Variants in KIF24 observed in about 807,000 individuals in gnomAD.
KIF24 encodes the protein kinesin-like protein KIF24.
Under a neutral mutation model 118.9 loss-of-function variants are expected in KIF24, and 81 were observed. That is an observed-to-expected ratio of 0.68 (90% CI 0.57 to 0.82). The LOEUF is 0.82. Ranked by LOEUF, KIF24 falls within the 40% of genes least tolerant of loss-of-function variation. KIF24 has a pLI of 0.00. For missense variants in KIF24, 1,560 were observed against 1,661.6 expected, an observed-to-expected ratio of 0.94 and a Z score of 1.06; for synonymous variants, 599 against 610.0, an observed-to-expected ratio of 0.98 and a Z score of 0.27.
chr9:34,266,827 G>GA (rs1167923991), intron 8 of KIF24, among the ~76,000 whole-genome samples: 1 of 152,070 alleles, frequency 6.6e-6, no homozygotes. Flanking sequence ...AAGCTATCAA[G>GA]AACGAGTAGG....
intron 8 of KIF24, among the ~76,000 whole-genome samples, chr9:34,266,623 A>G (rs1835299323): frequency 6.6e-6 from 1 of 151,074 alleles, no homozygotes; most frequent in South Asian, 2.1e-4. Flanking sequence ...GGTTGCAGTG[A>G]GCCAAGATTG....
At chr9:34,258,027 G>A (rs755355279) in intron 10 of KIF24, 46 bp from the exon 11 acceptor site, 2 of 1,384,632 alleles carry the variant, frequency 1.4e-6, no homozygotes, top group East Asian at 2.3e-5. Flanking sequence ...CACATGTTCT[G>A]CAATTCCTTT....
chr9:34,311,802 A>G (rs548424620), intron 1 of KIF24, among the ~76,000 whole-genome samples: 23 of 150,864 alleles, frequency 1.5e-4, no homozygotes, highest in African/African-American at 4.1e-4. Flanking sequence ...ACACATATAT[A>G]TATACACATA....
At chr9:34,327,194 A>T (rs1437374485) in intron 1 of KIF24, among the ~76,000 whole-genome samples, 2 of 131,454 alleles carry the variant, frequency 1.5e-5, no homozygotes, top group South Asian at 2.4e-4. Flanking sequence ...GAACTCTATT[A>T]TTTATTTAAC....
chr9:34,263,976 T>C lies in KIF24; in HGVS notation c.1444-804A>G, dbSNP rs572975047. 1.4e-3 allele frequency among the ~76,000 whole-genome samples: 220 copies of C among 152,066 alleles called. 1 individual carries two copies. The highest frequency in any genetic ancestry group is 4.1e-3 in the African/African-American group (170 of 41,478). Reference sequence around the variant, plus strand: ...GTACTCCCTCAGTGAGAAGCGCTCATTGGACATGATAAGGACAGCAGAGAT... The same window carrying C: ...GTACTCCCTCAGTGAGAAGCGCTCACTGGACATGATAAGGACAGCAGAGAT... On this transcript the variant is annotated intron_variant, in intron 8 of 12. Transcript: ENST00000402558.
In KIF24 at chr9:34,255,108, G is replaced by C; in HGVS notation, c.3930C>G (p.Phe1310Leu). ...GCTGGCTCATCAGCGTCTCCTCCTTGAAGCCGAGCTCAGCCATTTCATCCA... is the reference window on the plus strand; with the variant it reads ...GCTGGCTCATCAGCGTCTCCTCCTTCAAGCCGAGCTCAGCCATTTCATCCA... ...EQLDEMAELGFKEETLMSQLA... is the reference protein window; with the variant it reads ...EQLDEMAELGLKEETLMSQLA... The change falls in exon 12 of 13, where the codon TTC becomes TTG. Residue 1310 changes from phenylalanine (F) to leucine (L), a missense_variant. Physicochemically the swap from Phe to Leu is conservative, Grantham distance 22 (BLOSUM62 0). Around this residue, in one of 3 missense-constraint regions of KIF24, gnomAD observed 591 missense variants for 655.6 expected, o/e 0.90. Coordinates refer to ENST00000402558, the MANE Select transcript of KIF24 (RefSeq NM_194313.4). 6.3e-7 allele frequency: 1 copy of C among 1,596,230 alleles called. No homozygotes were observed. Among genetic ancestry groups the C allele is most frequent in the Middle Eastern group, 1.7e-4 (1 of 6,034 alleles).
intron 6 of KIF24, among the ~76,000 whole-genome samples, chr9:34,275,591 A>C (rs916069842): frequency 1.3e-5 from 2 of 152,202 alleles, no homozygotes; most frequent in African/African-American, 4.8e-5. Context: ...CTGTAATCCC[A>C]GCACTTTGGG....
chr9:34,283,367 T>A (rs965961836), intron 6 of KIF24, among the ~76,000 whole-genome samples: 1 of 152,004 alleles, frequency 6.6e-6, no homozygotes, highest in Non-Finnish European at 1.5e-5. Context: ...AGTGAGACCC[T>A]GTCTCAAAAA....
chr9:34,288,622 T>C (rs1164575571), intron 5 of KIF24, among the ~76,000 whole-genome samples: 2 of 151,806 alleles, frequency 1.3e-5, no homozygotes, highest in South Asian at 4.2e-4. Context: ...TAAATGGATA[T>C]ATATATATAT....
chr9:34,323,068 T>A (rs919492777), intron 1 of KIF24, among the ~76,000 whole-genome samples: 3 of 152,134 alleles, frequency 2.0e-5, no homozygotes, highest in African/African-American at 4.8e-5. Flanking sequence ...TTCTTCTATC[T>A]ATAGACTACT....
rs761534287 is a variant in KIF24, at chr9:34,259,692, G to A, written c.1529C>T (p.Ser510Phe). 6.2e-7 allele frequency: 1 copy of A among 1,613,474 alleles called. No homozygotes were observed. The highest frequency in any genetic ancestry group is 8.5e-7 in the Non-Finnish European group (1 of 1,179,434). ...QSKLTQVLKDSFIGNAKTCMI... is the reference protein window; with the variant it reads ...QSKLTQVLKDFFIGNAKTCMI... ...GCAGGTTTTGGCATTGCCGATGAAA[G>A]AGTCCTTCAGGACCTGTCCAAAACA... is the stretch of plus-strand genomic sequence containing the variant. The change falls in exon 10 of 13, where the codon TCT becomes TTT. Residue 510 changes from serine (S) to phenylalanine (F), a missense_variant. Ser to Phe is a radical substitution (Grantham distance 155, BLOSUM62 -2). Coordinates refer to ENST00000402558, the MANE Select transcript of KIF24 (RefSeq NM_194313.4).
intron 5 of KIF24, among the ~76,000 whole-genome samples, chr9:34,287,149 A>G (rs79802530): frequency 0.011 from 1,691 of 152,324 alleles, 13 homozygotes; most frequent in Admixed American, 0.02. Context: ...TTTTGTATCT[A>G]CAAAGAGAGT....
At chr9:34,255,011 CA>C (rs1330900837) in intron 12 of KIF24, 60 bp downstream of exon 12, 8 of 1,139,860 alleles carry the variant, frequency 7.0e-6, no homozygotes, top group East Asian at 2.6e-5. Flanking sequence ...CAAGGATGAC[CA>C]TCAAATTAGC....
chr9:34,306,420 C>G lies in KIF24; in HGVS notation c.645G>C (p.Gln215His). ...SCIRQNTSEK[Q>H]NPWTEMEKIR... ...TTTTCTCCATCTCAGTCCAAGGATT[C>G]TGTTTCTCTGAAGTGTTCTGTCTAA... The change falls in exon 3 of 13, where the codon CAG becomes CAC. Residue 215 changes from glutamine to histidine, a missense_variant. Transcript: ENST00000402558. 6.2e-7 allele frequency: 1 copy of G among 1,607,100 alleles called. No homozygotes were observed. The highest frequency in any genetic ancestry group is 8.5e-7 in the Non-Finnish European group (1 of 1,177,270).
At chr9:34,259,571 A>C (rs1483467108) in intron 10 of KIF24, 25 bp downstream of exon 10, 1 of 1,568,290 alleles carries the variant, frequency 6.4e-7, no homozygotes, top group Non-Finnish European at 8.8e-7. Context: ...CTTACACACA[A>C]CCTGCCATCT....
chr9:34,299,361 A>C (rs1836605410), intron 3 of KIF24, among the ~76,000 whole-genome samples: 1 of 151,748 alleles, frequency 6.6e-6, no homozygotes, highest in Non-Finnish European at 1.5e-5. Flanking sequence ...TTGTAGTTTT[A>C]GTAAAGACGG....
intron 5 of KIF24, 128 bp from the exon 6 acceptor site, chr9:34,286,832 ATCC>A: frequency 1.5e-6 from 1 of 669,390 alleles, no homozygotes; most frequent in Non-Finnish European, 2.7e-6. Context: ...ATGGATGCTT[ATCC>A]TCCTCCCAAC....
Position 34,318,517 on chromosome 9 carries a change from C to T in KIF24, c.-25-7146G>A. On this transcript the variant is annotated intron_variant, in intron 1 of 12. Transcript: ENST00000402558. The surrounding 1 kb of genome is among the most constrained non-coding windows in gnomAD (Gnocchi z 4.9). ...CTGGCACCGCAGAGAAGCTGAGCCC[C>T]AAGGCAGCCACGCTGGCCGAACACA... is the stretch of plus-strand genomic sequence containing the variant. 1.1e-6 allele frequency: 1 copy of T among 923,282 alleles called. No homozygotes were observed. Among genetic ancestry groups the T allele is most frequent in the Non-Finnish European group, 1.7e-6 (1 of 578,968 alleles). 57.2% of individuals were successfully genotyped at this position (923,282 alleles called of 1,614,324 possible). A position where few individuals can be genotyped will look rare whatever the true frequency, so the allele number is the denominator to read the frequency against.
At chr9:34,259,017 T>C (rs1440656921) in intron 10 of KIF24, among the ~76,000 whole-genome samples, 2 of 152,076 alleles carry the variant, frequency 1.3e-5, no homozygotes, top group Admixed American at 1.3e-4. Context: ...GGGTGAGAGA[T>C]GGAAGGGATC....
Sources: gnomAD v4.1 joint callset for allele counts (sites outside exome capture counted in the v4.1 genomes callset) on GRCh38, gnomAD v4.1.1 for gene constraint, gnomAD v4.1.1 regional missense constraint, Gnocchi (gnomAD v3.1) non-coding constraint, MANE v1.5 for transcripts, NCBI Gene and HGNC (gene_info 2026-07-23, HGNC 2026-07-21) for gene names.